SMARCAL1: variants seen among roughly 807,000 people sequenced by gnomAD.
SMARCAL1 encodes the protein SNF2 related chromatin remodeling annealing helicase 1.
Under a neutral mutation model 94.5 loss-of-function variants are expected in SMARCAL1, and 58 were observed. The ratio of observed to expected loss-of-function variants is 0.61; its 90% CI spans 0.50 to 0.76. The LOEUF is 0.76. Ranked by LOEUF, SMARCAL1 falls within the 30% of genes least tolerant of loss-of-function variation. The pLI, the probability that SMARCAL1 is intolerant of heterozygous loss-of-function variation, is 0.00. For synonymous variants in SMARCAL1, 422 were observed against 455.1 expected (o/e 0.93, Z 0.93); for missense variants, 1,051 against 1,177.9 (o/e 0.89, Z 1.58).
chr2:216,439,228 A>C (rs780604141), intron 10 of SMARCAL1, among the ~76,000 whole-genome samples: 1 of 152,104 alleles, frequency 6.6e-6, no homozygotes, highest in Non-Finnish European at 1.5e-5. Flanking sequence ...CTGATGTGCA[A>C]TATAGGCTCT....
chr2:216,457,095 C>T (rs1694583721), intron 12 of SMARCAL1, among the ~76,000 whole-genome samples: 3 of 150,252 alleles, frequency 2.0e-5, no homozygotes, highest in African/African-American at 5.0e-5. Context: ...AGAGACAAGG[C>T]CGTTACATAA....
At chr2:216,463,384 G>A (rs577400014) in intron 12 of SMARCAL1, among the ~76,000 whole-genome samples, 129 of 152,322 alleles carry the variant, frequency 8.5e-4, no homozygotes, top group African/African-American at 3.1e-3. Flanking sequence ...TCAGTGTCTA[G>A]TGAGGGCCCA....
intron 14 of SMARCAL1, 50 bp downstream of exon 14, chr2:216,468,096 T>C: frequency 7.5e-7 from 1 of 1,337,504 alleles, no homozygotes; most frequent in Non-Finnish European, 1.1e-6. Context: ...ATGTCCCAAG[T>C]TGTTCTAAGC....
intron 12 of SMARCAL1, chr2:216,451,715 C>T (rs910145320): frequency 6.4e-6 from 1 of 155,306 alleles, no homozygotes; most frequent in Non-Finnish European, 1.4e-5. Context: ...ACTGTTTTCA[C>T]TATGATGGTT....
chr2:216,437,205 C>T (rs944170059), intron 9 of SMARCAL1, among the ~76,000 whole-genome samples: 4 of 152,246 alleles, frequency 2.6e-5, no homozygotes, highest in African/African-American at 9.6e-5. Context: ...AGGGCCCATT[C>T]TCTTCCATAT....
intron 4 of SMARCAL1, among the ~76,000 whole-genome samples, chr2:216,417,822 T>C (rs562677924): frequency 1.7e-4 from 26 of 152,350 alleles, no homozygotes; most frequent in African/African-American, 5.8e-4. Context: ...TGGTTTCCCC[T>C]GTTGCGGTTG....
intron 10 of SMARCAL1, among the ~76,000 whole-genome samples, chr2:216,445,494 A>G (rs557202585): frequency 6.6e-6 from 1 of 152,274 alleles, no homozygotes; most frequent in East Asian, 1.9e-4. Context: ...GTTAATTTCC[A>G]TCATCTGATT....
intron 4 of SMARCAL1, 126 bp downstream of exon 4, chr2:216,416,433 C>G (rs978322630): frequency 3.8e-6 from 3 of 788,576 alleles, no homozygotes. Flanking sequence ...GGGCACCCCC[C>G]CCAACACTCC....
At chr2:216,474,650 G>C (rs1292406175) in intron 14 of SMARCAL1, among the ~76,000 whole-genome samples, 2 of 151,984 alleles carry the variant, frequency 1.3e-5, no homozygotes, top group Non-Finnish European at 2.9e-5. Context: ...ACCTAGTTGG[G>C]AGGCTGAGGC....
chr2:216,447,826 T>A lies in SMARCAL1; in HGVS notation c.1851+668T>A, dbSNP rs377457466. Among the ~76,000 whole-genome samples, 7 of 152,292 alleles carry A rather than the reference T, an allele frequency of 4.6e-5. No individual in the cohort carries two copies. In the East Asian group the frequency reaches 7.7e-4, roughly 17 times the overall value. ...CTCCCAAAATGGCAGGGAAGCCCTG[T>A]AAACACCAATGCATTGCCATGGAAC... On this transcript the variant is annotated intron_variant, in intron 11 of 17. Coordinates refer to ENST00000357276, the MANE Select transcript of SMARCAL1 (RefSeq NM_014140.4).
intron 10 of SMARCAL1, 88 bp downstream of exon 10, chr2:216,438,573 G>T: frequency 8.7e-7 from 1 of 1,143,892 alleles, no homozygotes; most frequent in Non-Finnish European, 1.3e-6. Context: ...TCCAGCAGGG[G>T]TTGCAAGTAT....
At chr2:216,418,504 A>G (rs895729600) in intron 4 of SMARCAL1, among the ~76,000 whole-genome samples, 3 of 152,160 alleles carry the variant, frequency 2.0e-5, no homozygotes, top group Non-Finnish European at 4.4e-5. Flanking sequence ...ATTGTGTCTC[A>G]TGATTGGCTT....
chr2:216,442,966 C>T (rs1389260573), intron 10 of SMARCAL1, among the ~76,000 whole-genome samples: 2 of 152,132 alleles, frequency 1.3e-5, no homozygotes, highest in East Asian at 1.9e-4. Flanking sequence ...CTATAGAAGT[C>T]CCCTGAGGTC....
At position 216,475,510 on chromosome 2, in the gene SMARCAL1, G is replaced by C; in HGVS notation, c.2427+59G>C. ...GCATGCTCATGGCTGTGGGCAGGAA[G>C]CAGTGAGTGTCGGTCGGGGAAAGTG... On this transcript the variant is annotated intron_variant, in intron 15 of 17. Coordinates refer to ENST00000357276, the MANE Select transcript of SMARCAL1 (RefSeq NM_014140.4). The surrounding 1 kb of genome is among the most constrained non-coding windows in gnomAD (Gnocchi z 4.4). 1 of 1,556,672 alleles carries C rather than the reference G, an allele frequency of 6.4e-7. No individual in the cohort carries two copies. Among genetic ancestry groups the C allele is most frequent in the Non-Finnish European group, 8.9e-7 (1 of 1,127,808 alleles).
rs1205061974 is a variant in SMARCAL1, at chr2:216,477,334, T to C, written c.2528+125T>C. The C allele has an allele frequency of 2.8e-4, 221 of 775,794 alleles. 2 individuals carry two copies. The highest frequency in any genetic ancestry group is 2.5e-5 in the Non-Finnish European group (11 of 448,538). 48.1% of individuals were successfully genotyped at this position (775,794 alleles called of 1,614,324 possible). The stretch of plus-strand genomic sequence containing the variant: ...AAGGTCTTTAAGGATCTATAGAAAA[T>C]TGACTAGTGATGCCCTCCTGCTTTC... On this transcript the variant is annotated intron_variant, in intron 16 of 17. Coordinates refer to ENST00000357276, the MANE Select transcript of SMARCAL1 (RefSeq NM_014140.4).
At position 216,469,179 on chromosome 2, in the gene SMARCAL1, A is replaced by G. The variant is rs542981130; in HGVS notation, c.2244+1133A>G. ...AGGAGTACGTATCCATAAGCAATTTATCGTCTCCTTTTTGCTTATTTTTAA... is the reference window on the plus strand; with the variant it reads ...AGGAGTACGTATCCATAAGCAATTTGTCGTCTCCTTTTTGCTTATTTTTAA... On this transcript the variant is annotated intron_variant, in intron 14 of 17. Transcript: ENST00000357276. Among the ~76,000 whole-genome samples, 37 of 151,558 alleles carry G rather than the reference A, an allele frequency of 2.4e-4. 2 individuals carry two copies. The South Asian group carries it at 7.7e-3, about 32-fold the overall frequency.
In SMARCAL1 at chr2:216,468,027, C is replaced by T. The variant is rs2271336; in HGVS notation, c.2225C>T (p.Thr742Met). ...CATAAGGTGGTCCTGGACGCAATTACGCAAGAGCTTGAGAGAAAGGTGAGC... is the reference window on the plus strand; with the variant it reads ...CATAAGGTGGTCCTGGACGCAATTATGCAAGAGCTTGAGAGAAAGGTGAGC... ...AHHKVVLDAI[T>M]QELERKHVQH... is the part of the protein sequence containing the mutation. Residue 742 changes from threonine to methionine, a missense_variant, in exon 14 of 18, where the codon ACG (threonine) becomes ATG (methionine). By Grantham distance (81) the Thr-to-Met change is moderately conservative. Around this residue, in one of 3 missense-constraint regions of SMARCAL1, gnomAD observed 642 missense variants for 754.7 expected, o/e 0.85. Coordinates refer to ENST00000357276, the MANE Select transcript of SMARCAL1 (RefSeq NM_014140.4). 715 of 1,612,200 alleles carry T rather than the reference C, an allele frequency of 4.4e-4. 1 individual carries two copies. Among genetic ancestry groups the T allele is most frequent in the East Asian group, 9.6e-4 (43 of 44,826 alleles).
At position 216,414,661 on chromosome 2, in the gene SMARCAL1, C is replaced by T; in HGVS notation, c.-44C>T. The stretch of plus-strand genomic sequence containing the variant: ...TTCTTCCACAGCTTTTGCCAACTTT[C>T]CAATTAAAGGTTGACATTCCTGCAT... On this transcript the variant is annotated 5_prime_UTR_variant, in exon 3 of 18. Coordinates refer to ENST00000357276, the MANE Select transcript of SMARCAL1 (RefSeq NM_014140.4). 1 of 1,565,422 alleles carries T rather than the reference C, an allele frequency of 6.4e-7. No individual in the cohort carries two copies. Among genetic ancestry groups the T allele is most frequent in the Non-Finnish European group, 8.8e-7 (1 of 1,136,014 alleles).
intron 5 of SMARCAL1, among the ~76,000 whole-genome samples, chr2:216,423,195 T>C (rs1256623017): frequency 6.6e-6 from 1 of 152,202 alleles, no homozygotes; most frequent in Non-Finnish European, 1.5e-5. Context: ...TTGTTTCCCA[T>C]GTGTAAAATG....
Sources: gnomAD v4.1 joint callset for allele counts (sites outside exome capture counted in the v4.1 genomes callset) on GRCh38, gnomAD v4.1.1 for gene constraint, gnomAD v4.1.1 regional missense constraint, Gnocchi (gnomAD v3.1) non-coding constraint, MANE v1.5 for transcripts, NCBI Gene and HGNC (gene_info 2026-07-23, HGNC 2026-07-21) for gene names.